Variants in RO60 observed in about 807,000 individuals in gnomAD.
RO60 encodes the protein RNA-binding protein RO60.
Under a neutral mutation model 55.3 loss-of-function variants are expected in RO60, and 20 were observed. The observed-to-expected ratio is 0.36, with a 90% CI of 0.25 to 0.53. The LOEUF is 0.53. RO60 is among the 20% of genes least tolerant of loss of function. RO60 has a pLI of 0.92. For synonymous variants in RO60, 213 were observed against 213.6 expected, an observed-to-expected ratio of 1.00 and a Z score of 0.02; for missense variants, 558 against 646.6, an observed-to-expected ratio of 0.86 and a Z score of 1.49.
At chr1:193,076,383 C>A in intron 3 of RO60, 118 bp from the exon 4 acceptor site, 1 of 1,096,526 alleles carries the variant, frequency 9.1e-7, no homozygotes, top group Non-Finnish European at 1.3e-6. Context: ...TCTGAAAGTA[C>A]TTTGAACCCC....
In RO60 at chr1:193,076,519, C is replaced by T; in HGVS notation, c.820C>T (p.Gln274Ter). The T allele has an allele frequency of 6.2e-7, 1 of 1,611,058 alleles. No homozygotes were observed. Among genetic ancestry groups the T allele is most frequent in the Non-Finnish European group, 8.5e-7 (1 of 1,179,016 alleles). ...GCAATAGGTATGGAAGGCTTTGTTA[C>T]AAGAAATGCCGCTTACTGCATTACT... is the stretch of plus-strand genomic sequence containing the variant. ...KSKEVWKALL[Q>*]EMPLTALLRN... The change falls in exon 4 of 9, where the codon CAA (glutamine) becomes TAA (stop). Residue 274 changes from glutamine (Q) to a stop codon, truncating the protein, a stop_gained. Coordinates refer to ENST00000400968, the MANE Select transcript of RO60 (RefSeq NM_001173524.2). LOFTEE classifies it high-confidence loss of function.
At chr1:193,076,375 T>G in intron 3 of RO60, 126 bp from the exon 4 acceptor site, 1 of 994,348 alleles carries the variant, frequency 1.0e-6, no homozygotes, top group East Asian at 2.9e-5. Flanking sequence ...TTTTTCATTC[T>G]GAAAGTACTT....
Position 193,085,972 on chromosome 1 carries a change from C to G in RO60, c.*1241C>G, listed in dbSNP as rs1350017635. The G allele has an allele frequency of 6.1e-6, 6 of 985,160 alleles. No homozygotes were observed. In the Admixed American group the frequency reaches 3.7e-4, roughly 61 times the overall value. The allele number at this position is 985,160 out of a possible 1,614,324, so 61.0% of individuals were successfully genotyped here. A position where few individuals can be genotyped will look rare whatever the true frequency, so the allele number is the denominator to read the frequency against. Reference sequence around the variant, plus strand: ...TTGTGAGGTTTAACATTAAAGCAATCTGTTGAAATGCCATTATCTTTGCTC... The same window carrying G: ...TTGTGAGGTTTAACATTAAAGCAATGTGTTGAAATGCCATTATCTTTGCTC... On this transcript the variant is annotated 3_prime_UTR_variant, in exon 9 of 9. Transcript: ENST00000400968.
chr1:193,070,964 C>T (rs374579016), intron 2 of RO60, among the ~76,000 whole-genome samples: 6 of 152,124 alleles, frequency 3.9e-5, no homozygotes, highest in Non-Finnish European at 7.4e-5. Flanking sequence ...GAAATAACTG[C>T]ATATCAGCAG....
chr1:193,067,031 T>C (rs955057576), intron 1 of RO60, among the ~76,000 whole-genome samples: 1 of 151,978 alleles, frequency 6.6e-6, no homozygotes, highest in African/African-American at 2.4e-5. Context: ...CACAAATCTT[T>C]CTGGATTATT....
rs749817963 is a variant in RO60 at position 193,059,994 on chromosome 1, A to G, written c.-22+218A>G. On this transcript the variant is annotated intron_variant, in intron 1 of 8. Coordinates refer to ENST00000400968, the MANE Select transcript of RO60 (RefSeq NM_001173524.2). This position sits in a 1 kb window ranked among gnomAD's most constrained non-coding sequence, Gnocchi z 4.9. ...GGACATCCTCGCTAGGCCCGGCCGGACCATTCCTCAGGGTGGGCCCTTTCC... is the reference window on the plus strand; with the variant it reads ...GGACATCCTCGCTAGGCCCGGCCGGGCCATTCCTCAGGGTGGGCCCTTTCC... 10 of 1,365,810 alleles carry G rather than the reference A, an allele frequency of 7.3e-6. No individual in the cohort carries two copies. Among genetic ancestry groups the G allele is most frequent in the Non-Finnish European group, 9.8e-6 (10 of 1,021,522 alleles). The allele number at this position is 1,365,810 out of a possible 1,614,324, so 84.6% of individuals were successfully genotyped here.
chr1:193,066,943 A>G (rs1558235465), intron 1 of RO60, among the ~76,000 whole-genome samples: 1 of 152,170 alleles, frequency 6.6e-6, no homozygotes, highest in Admixed American at 6.5e-5. Flanking sequence ...CTTCTGGATT[A>G]TTTAGACAGT....
At position 193,075,874 on chromosome 1, in the gene RO60, T is replaced by C; in HGVS notation, c.635T>C (p.Leu212Ser). 6.2e-7 allele frequency: 1 copy of C among 1,612,556 alleles called. No homozygotes were observed. Among genetic ancestry groups the C allele is most frequent in the Non-Finnish European group, 8.5e-7 (1 of 1,179,310 alleles). Residue 212 changes from leucine to serine, a missense_variant, in exon 3 of 9, where the codon TTG (leucine) becomes TCG (serine). Leu to Ser is a moderately radical substitution (Grantham distance 145, BLOSUM62 -2). Coordinates refer to ENST00000400968, the MANE Select transcript of RO60 (RefSeq NM_001173524.2). ...AAGGGCTGGAAAGAAGTTCATGAAT[T>C]GTATAAAGAAAAAGCACTCTCTGTG... ...ITKGWKEVHE[L>S]YKEKALSVET...
At chr1:193,066,695 C>T (rs916130510) in intron 1 of RO60, among the ~76,000 whole-genome samples, 1 of 152,190 alleles carries the variant, frequency 6.6e-6, no homozygotes, top group Non-Finnish European at 1.5e-5. Context: ...TATCCTTAGC[C>T]TTCCTTGTAA....
In RO60 at chr1:193,085,772, C is replaced by T; in HGVS notation, c.*1041C>T. The T allele has an allele frequency of 1.0e-6, 1 of 984,800 alleles. No individual in the cohort carries two copies. Among genetic ancestry groups the T allele is most frequent in the Non-Finnish European group, 1.2e-6 (1 of 829,556 alleles). 61.0% of individuals were successfully genotyped at this position (984,800 alleles called of 1,614,324 possible). A position where few individuals can be genotyped will look rare whatever the true frequency, so the allele number is the denominator to read the frequency against. ...ATTCATTTTGTGGCAAAATATTCTT[C>T]TTTGATAGTGTAAACAAATAATAAA... On this transcript the variant is annotated 3_prime_UTR_variant, in exon 9 of 9. Transcript: ENST00000400968.
chr1:193,060,407 AATACT>A, intron 1 of RO60: 1 of 210,474 alleles, frequency 4.8e-6, no homozygotes, highest in Non-Finnish European at 9.8e-6. Context: ...GCTCTTATAG[AATACT>A]ATAGTGTTAA....
chr1:193,060,167 T>C lies in RO60; in HGVS notation c.-22+391T>C, dbSNP rs1481252713. 2.7e-6 allele frequency: 3 copies of C among 1,129,014 alleles called. No individual in the cohort carries two copies. The Admixed American group carries it at 1.1e-4, about 41-fold the overall frequency. 69.9% of individuals were successfully genotyped at this position (1,129,014 alleles called of 1,614,324 possible). ...GGATCTGGGTTTTGGAAGAAGGATC[T>C]TTGTGGGAAGACAGGGTGAATTTAT... On this transcript the variant is annotated intron_variant, in intron 1 of 8. Coordinates refer to ENST00000400968, the MANE Select transcript of RO60 (RefSeq NM_001173524.2).
chr1:193,076,726 A>G, intron 4 of RO60, 79 bp downstream of exon 4: 1 of 1,438,226 alleles, frequency 7.0e-7, no homozygotes, highest in Non-Finnish European at 9.4e-7. Flanking sequence ...CCGTCAGTGC[A>G]TTTTTAAGGT....
rs763637741 is a variant in RO60, at chr1:193,059,686, C to A, written c.-112C>A. 4 of 1,361,680 alleles carry A rather than the reference C, an allele frequency of 2.9e-6. 1 individual carries two copies. The South Asian group carries it at 4.6e-5, about 16-fold the overall frequency. 84.3% of individuals were successfully genotyped at this position (1,361,680 alleles called of 1,614,324 possible). A position where few individuals can be genotyped will look rare whatever the true frequency, so the allele number is the denominator to read the frequency against. ...TGCTGTTGCTGTGGCTGTCGCTGCC[C>A]GTCAGGCTGCCTTCTTTTGTCGTTT... is the stretch of plus-strand genomic sequence containing the variant. On this transcript the variant is annotated 5_prime_UTR_variant, in exon 1 of 9. Coordinates refer to ENST00000400968, the MANE Select transcript of RO60 (RefSeq NM_001173524.2). The surrounding 1 kb of genome is among the most constrained non-coding windows in gnomAD (Gnocchi z 4.9).
rs1004518848 is a variant in RO60, at chr1:193,089,643, G to A, written c.*4912G>A. On this transcript the variant is annotated 3_prime_UTR_variant, in exon 9 of 9. Coordinates refer to ENST00000400968, the MANE Select transcript of RO60 (RefSeq NM_001173524.2). ...GAACATCTTAGAAAATTCTATTGTG[G>A]AAATTACGATGATTATTTTCAGTGA... 6.6e-6 allele frequency: 1 copy of A among 151,908 alleles called. No individual in the cohort carries two copies. Among genetic ancestry groups the A allele is most frequent in the African/African-American group, 2.4e-5 (1 of 41,362 alleles). The allele number at this position is 151,908 out of a possible 1,614,324, so 9.4% of individuals were successfully genotyped here. A position where few individuals can be genotyped will look rare whatever the true frequency, so the allele number is the denominator to read the frequency against.
At chr1:193,063,030 A>AT (rs1410213636) in intron 1 of RO60, among the ~76,000 whole-genome samples, 2 of 152,100 alleles carry the variant, frequency 1.3e-5, no homozygotes, top group South Asian at 2.1e-4. Context: ...ACATGTATTC[A>AT]TTTTTCTTAG....
At chr1:193,071,858 A>G (rs965829301) in intron 2 of RO60, among the ~76,000 whole-genome samples, 5 of 148,668 alleles carry the variant, frequency 3.4e-5, no homozygotes, top group Non-Finnish European at 7.4e-5. Flanking sequence ...GCATATAATT[A>G]TATGTATGTA....
intron 2 of RO60, among the ~76,000 whole-genome samples, chr1:193,070,887 A>G (rs1340962840): frequency 6.6e-6 from 1 of 152,206 alleles, no homozygotes. Context: ...TTTTGATTTT[A>G]TTAGATTACA....
At chr1:193,068,006 AC>A (rs1183073180) in intron 1 of RO60, among the ~76,000 whole-genome samples, 2 of 152,170 alleles carry the variant, frequency 1.3e-5, no homozygotes, top group Non-Finnish European at 2.9e-5. Flanking sequence ...GATGGTTGTT[AC>A]CACTCCAGGC....
Sources: gnomAD v4.1 joint callset for allele counts (sites outside exome capture counted in the v4.1 genomes callset) on GRCh38, gnomAD v4.1.1 for gene constraint, Gnocchi (gnomAD v3.1) non-coding constraint, MANE v1.5 for transcripts, NCBI Gene and HGNC (gene_info 2026-07-23, HGNC 2026-07-21) for gene names.